Variants in PTPRM observed in about 807,000 individuals in gnomAD.
The protein encoded by PTPRM is protein tyrosine phosphatase receptor type M.
A neutral mutation model predicts 186.7 loss-of-function variants in PTPRM; 47 were observed. The ratio of observed to expected loss-of-function variants is 0.25; its 90% CI spans 0.20 to 0.32. The LOEUF is 0.32. Ranked by LOEUF, PTPRM falls within the 10% of genes least tolerant of loss-of-function variation. The pLI is 1.00. For missense variants in PTPRM, 1,494 were observed against 1,865.0 expected (o/e 0.80, Z 3.66); for synonymous variants, 668 against 674.9 (o/e 0.99, Z 0.16).
chr18:7,677,700 T>TC (rs1430186298), intron 1 of PTPRM, among the ~76,000 whole-genome samples: 1 of 151,984 alleles, frequency 6.6e-6, no homozygotes, highest in Non-Finnish European at 1.5e-5. Context: ...GGCATCACGC[T>TC]CCCCCTCTGG....
intron 11 of PTPRM, among the ~76,000 whole-genome samples, chr18:8,100,472 C>G (rs959149395): frequency 6.6e-6 from 1 of 152,114 alleles, no homozygotes; most frequent in African/African-American, 2.4e-5. Flanking sequence ...GACCAAATCT[C>G]GTGCAAACTC....
intron 14 of PTPRM, among the ~76,000 whole-genome samples, chr18:8,189,954 T>TCAATA (rs1428790205): frequency 6.6e-6 from 1 of 152,348 alleles, no homozygotes; most frequent in Middle Eastern, 3.4e-3. Flanking sequence ...AAACATATAT[T>TCAATA]CAATACCAAC....
chr18:8,049,232 G>A (rs563669840), intron 7 of PTPRM: 2 of 152,210 alleles, frequency 1.3e-5, no homozygotes, highest in Admixed American at 6.5e-5. Context: ...AATTTTGAGT[G>A]TAGCAGTGGT....
At chr18:8,221,519 A>G (rs947323440) in intron 14 of PTPRM, among the ~76,000 whole-genome samples, 14 of 152,362 alleles carry the variant, frequency 9.2e-5, no homozygotes, top group South Asian at 8.3e-4. Flanking sequence ...GAGAGAGCCA[A>G]TGCTGCCATG....
intron 19 of PTPRM, among the ~76,000 whole-genome samples, chr18:8,292,245 A>G (rs1326330417): frequency 6.6e-6 from 1 of 152,236 alleles, no homozygotes; most frequent in African/African-American, 2.4e-5. Flanking sequence ...ATTTTCTCAG[A>G]TATCTTGAAC....
At chr18:7,897,475 G>T (rs924808798) in intron 3 of PTPRM, among the ~76,000 whole-genome samples, 1 of 152,052 alleles carries the variant, frequency 6.6e-6, no homozygotes, top group Non-Finnish European at 1.5e-5. Context: ...AGTAGGTGCC[G>T]CAATACTCTG....
chr18:7,600,858 C>G (rs915753205), intron 1 of PTPRM, among the ~76,000 whole-genome samples: 1 of 152,254 alleles, frequency 6.6e-6, no homozygotes, highest in Non-Finnish European at 1.5e-5. Flanking sequence ...TTGTGTCTAC[C>G]TGGGCCTCTA....
intron 1 of PTPRM, among the ~76,000 whole-genome samples, chr18:7,656,641 G>A (rs1370649165): frequency 1.3e-5 from 2 of 152,154 alleles, no homozygotes; most frequent in African/African-American, 2.4e-5. Flanking sequence ...GGGATATAAG[G>A]TAGAACAGAA....
At chr18:8,260,500 G>A (rs1208698531) in intron 19 of PTPRM, among the ~76,000 whole-genome samples, 2 of 152,062 alleles carry the variant, frequency 1.3e-5, no homozygotes, top group Admixed American at 1.3e-4. Context: ...AACTAAGCCA[G>A]TTTTGCCAGA....
intron 2 of PTPRM, among the ~76,000 whole-genome samples, chr18:7,798,825 G>T (rs1160020434): frequency 6.6e-6 from 1 of 152,040 alleles, no homozygotes; most frequent in African/African-American, 2.4e-5. Context: ...ATTATTCTCT[G>T]TTCTGTACCT....
At chr18:8,090,050 C>T (rs2090629309) in intron 11 of PTPRM, among the ~76,000 whole-genome samples, 1 of 152,038 alleles carries the variant, frequency 6.6e-6, no homozygotes, top group Admixed American at 6.6e-5. Context: ...ATCTCTATTC[C>T]AAATTGGAGA....
At chr18:7,969,587 A>G (rs1194461727) in intron 7 of PTPRM, among the ~76,000 whole-genome samples, 43 of 146,594 alleles carry the variant, frequency 2.9e-4, no homozygotes, top group Non-Finnish European at 4.5e-4. Flanking sequence ...AAAAAGAGAG[A>G]AGAATCAAAT....
chr18:7,807,216 A>G (rs1387823444), intron 2 of PTPRM, among the ~76,000 whole-genome samples: 1 of 152,210 alleles, frequency 6.6e-6, no homozygotes, highest in Non-Finnish European at 1.5e-5. Flanking sequence ...TAGTGCTGAT[A>G]TAGAGTAGAT....
intron 30 of PTPRM, 50 bp from the exon 31 acceptor site, chr18:8,387,022 A>G: frequency 6.6e-7 from 1 of 1,514,748 alleles, no homozygotes; most frequent in Non-Finnish European, 9.1e-7. Flanking sequence ...AATTCAGTAA[A>G]TAATGCCTGT....
At chr18:7,953,594 G>A (rs2053116734) in intron 6 of PTPRM, among the ~76,000 whole-genome samples, 7 of 152,246 alleles carry the variant, frequency 4.6e-5, no homozygotes, top group Admixed American at 2.0e-4. Flanking sequence ...TGACTTAGTC[G>A]AGTGAGATTT....
intron 22 of PTPRM, among the ~76,000 whole-genome samples, chr18:8,327,328 A>G (rs1478616056): frequency 6.6e-6 from 1 of 152,242 alleles, no homozygotes; most frequent in Non-Finnish European, 1.5e-5. Context: ...AGTCATTTAC[A>G]ATGAAAACTG....
At chr18:8,217,572 C>G (rs1310175149) in intron 14 of PTPRM, among the ~76,000 whole-genome samples, 1 of 152,150 alleles carries the variant, frequency 6.6e-6, no homozygotes, top group Non-Finnish European at 1.5e-5. Context: ...ATTGATGAAG[C>G]TGAGATACCA....
At chr18:7,737,527 A>G (rs1306860989) in intron 1 of PTPRM, among the ~76,000 whole-genome samples, 1 of 152,170 alleles carries the variant, frequency 6.6e-6, no homozygotes, top group Non-Finnish European at 1.5e-5. Flanking sequence ...TTGTTCCCAT[A>G]GATTAGACAG....
chr18:7,939,952 T>G (rs1030735277), intron 5 of PTPRM, among the ~76,000 whole-genome samples: 10 of 152,158 alleles, frequency 6.6e-5, no homozygotes, highest in Non-Finnish European at 1.3e-4. Context: ...ACAATTTTGT[T>G]TTGCTGTGGG....
Sources: allele counts gnomAD v4.1 joint callset (sites outside exome capture counted in the v4.1 genomes callset), GRCh38; gene constraint gnomAD v4.1.1; transcripts MANE v1.5; gene names NCBI Gene and HGNC (gene_info 2026-07-23, HGNC 2026-07-21).